EPB41L5: variants seen among roughly 807,000 people sequenced by gnomAD.
The protein encoded by EPB41L5 is erythrocyte membrane protein band 4.1 like 5.
A neutral mutation model predicts 106.6 loss-of-function variants in EPB41L5; 55 were observed. The ratio of observed to expected loss-of-function variants is 0.52; its 90% CI spans 0.42 to 0.65. The LOEUF is 0.65. Ranked by LOEUF, EPB41L5 falls within the 30% of genes least tolerant of loss-of-function variation. The pLI is 0.00. For synonymous variants in EPB41L5, 297 were observed against 306.7 expected (o/e 0.97, Z 0.33); for missense variants, 871 against 882.1 (o/e 0.99, Z 0.16).
At chr2:120,051,391 G>A (rs181597629) in intron 3 of EPB41L5, among the ~76,000 whole-genome samples, 2 of 152,316 alleles carry the variant, frequency 1.3e-5, no homozygotes, top group African/African-American at 2.4e-5. Flanking sequence ...CCACCTTGCA[G>A]TTTGATCTCA....
At chr2:120,051,888 G>A (rs537954635) in intron 3 of EPB41L5, among the ~76,000 whole-genome samples, 4 of 152,162 alleles carry the variant, frequency 2.6e-5, no homozygotes, top group South Asian at 4.1e-4. Flanking sequence ...GTGCAGTGAC[G>A]TGGTCTTGGC....
At chr2:120,098,190 T>G (rs867994780) in intron 14 of EPB41L5, among the ~76,000 whole-genome samples, 9 of 7,226 alleles carry the variant, frequency 1.2e-3, no homozygotes, top group East Asian at 8.5e-3. Flanking sequence ...GTGTGTGTGT[T>G]TTGGTGGGGT....
chr2:120,050,216 G>A (rs1453667113), intron 3 of EPB41L5, among the ~76,000 whole-genome samples: 1 of 152,120 alleles, frequency 6.6e-6, no homozygotes, highest in African/African-American at 2.4e-5. Context: ...GGCCTGCCTC[G>A]CTAGGTTGGG....
intron 20 of EPB41L5, among the ~76,000 whole-genome samples, chr2:120,149,488 A>G (rs780892043): frequency 7.2e-5 from 11 of 152,078 alleles, no homozygotes; most frequent in Non-Finnish European, 1.3e-4. Flanking sequence ...CTGTAATATG[A>G]GGTCTTTTGT....
At chr2:120,157,926 GA>G (rs1686970521) in intron 20 of EPB41L5, among the ~76,000 whole-genome samples, 1 of 152,006 alleles carries the variant, frequency 6.6e-6, no homozygotes, top group Non-Finnish European at 1.5e-5. Flanking sequence ...TATTACCACT[GA>G]CCCCATAGAA....
At chr2:120,090,784 A>G (rs896498521) in intron 12 of EPB41L5, among the ~76,000 whole-genome samples, 10 of 152,302 alleles carry the variant, frequency 6.6e-5, no homozygotes, top group Non-Finnish European at 1.0e-4. Context: ...CAGTTTATCT[A>G]TTTAACAAGA....
At chr2:120,060,779 T>C (rs769018961) in intron 3 of EPB41L5, among the ~76,000 whole-genome samples, 1 of 152,194 alleles carries the variant, frequency 6.6e-6, no homozygotes, top group Non-Finnish European at 1.5e-5. Flanking sequence ...CTGATTCTAA[T>C]ATTGTACTGT....
intron 24 of EPB41L5, among the ~76,000 whole-genome samples, chr2:120,170,934 G>A (rs894124821): frequency 6.6e-6 from 1 of 152,208 alleles, no homozygotes; most frequent in South Asian, 2.1e-4. Context: ...GATTACAGAG[G>A]TGTATTCAAT....
chr2:120,081,165 A>G (rs1345261213), intron 10 of EPB41L5, among the ~76,000 whole-genome samples: 2 of 152,114 alleles, frequency 1.3e-5, no homozygotes, highest in Admixed American at 1.3e-4. Context: ...TTGGTGTTTT[A>G]GACATGAAGT....
In EPB41L5 at chr2:120,019,374, T is replaced by C. The variant is rs1209856634; in HGVS notation, c.180+110T>C. 19 of 984,608 alleles carry C rather than the reference T, an allele frequency of 1.9e-5. No individual in the cohort carries two copies. In the East Asian group the frequency reaches 2.8e-4, roughly 14 times the overall value. The allele number at this position is 984,608 out of a possible 1,614,324, so 61.0% of individuals were successfully genotyped here. A position where few individuals can be genotyped will look rare whatever the true frequency, so the allele number is the denominator to read the frequency against. Reference sequence around the variant, plus strand: ...TGGATGGAAATAAGTAAAGGTATTATGGGTTAGTATAGATCAGGCACTGTA... The same window carrying C: ...TGGATGGAAATAAGTAAAGGTATTACGGGTTAGTATAGATCAGGCACTGTA... On this transcript the variant is annotated intron_variant, in intron 2 of 24. Coordinates refer to ENST00000263713, the MANE Select transcript of EPB41L5 (RefSeq NM_020909.4).
At chr2:120,080,354 G>A (rs532612151) in intron 10 of EPB41L5, among the ~76,000 whole-genome samples, 200 of 151,920 alleles carry the variant, frequency 1.3e-3, no homozygotes, top group Admixed American at 3.0e-3. Context: ...GAGAACATGC[G>A]GTGTTTGGTT....
intron 19 of EPB41L5, among the ~76,000 whole-genome samples, chr2:120,143,449 C>T (rs1007334892): frequency 2.0e-5 from 3 of 152,010 alleles, no homozygotes; most frequent in Non-Finnish European, 4.4e-5. Flanking sequence ...CTCAATTTGG[C>T]GATATGTTTA....
chr2:120,054,971 A>T (rs1350703761), intron 3 of EPB41L5, among the ~76,000 whole-genome samples: 1 of 147,988 alleles, frequency 6.8e-6, no homozygotes, highest in Non-Finnish European at 1.5e-5. Context: ...GGTCCAAGTG[A>T]TTCTCCTGCC....
At chr2:120,063,360 A>G (rs1315557527) in intron 3 of EPB41L5, among the ~76,000 whole-genome samples, 1 of 150,910 alleles carries the variant, frequency 6.6e-6, no homozygotes. Context: ...AAAAAAAAAA[A>G]GTGAATTAAG....
chr2:120,068,942 A>G (rs975914496), intron 3 of EPB41L5, among the ~76,000 whole-genome samples: 19 of 151,952 alleles, frequency 1.3e-4, no homozygotes, highest in African/African-American at 4.6e-4. Flanking sequence ...AGCCTGACCA[A>G]CATGGAGTAA....
chr2:120,159,894 G>A (rs1687071536), intron 20 of EPB41L5, among the ~76,000 whole-genome samples: 1 of 152,164 alleles, frequency 6.6e-6, no homozygotes, highest in Non-Finnish European at 1.5e-5. Flanking sequence ...CCATAAAAAA[G>A]AATGAAATAG....
At position 120,154,384 on chromosome 2, in the gene EPB41L5, C is replaced by T. The variant is rs983422050; in HGVS notation, c.1794-6497C>T. ...TTCTCCATGTTGGTCAGGCTGGTCT[C>T]GAACTCCCGACCTCAGGTAATCTGC... On this transcript the variant is annotated intron_variant, in intron 20 of 24. Coordinates refer to ENST00000263713, the MANE Select transcript of EPB41L5 (RefSeq NM_020909.4). Among the ~76,000 whole-genome samples the T allele has an allele frequency of 8.6e-5, 13 of 151,260 alleles. No homozygotes were observed. The East Asian group carries it at 1.8e-3, about 21-fold the overall frequency.
chr2:120,090,442 C>T lies in EPB41L5; in HGVS notation c.969C>T (p.Phe323=), dbSNP rs778699073. 1.9e-6 allele frequency: 3 copies of T among 1,613,824 alleles called. No individual in the cohort carries two copies. Among genetic ancestry groups the T allele is most frequent in the Non-Finnish European group, 2.5e-6 (3 of 1,179,832 alleles). Residue 323 remains phenylalanine, a synonymous_variant, in exon 12 of 25, where the codon TTC becomes TTT. Coordinates refer to ENST00000263713, the MANE Select transcript of EPB41L5 (RefSeq NM_020909.4). ...GTGCTGTGGAGCATCATGCTTTCTT[C>T]CGCCTTCGAGGCCCCGTCCAAAAGA... ...WKCAVEHHAF[F]RLRGPVQKSS...
intron 5 of EPB41L5, 93 bp downstream of exon 5, chr2:120,074,271 A>C: frequency 1.1e-6 from 1 of 925,182 alleles, no homozygotes. Context: ...AGCTAATAAA[A>C]TGGATTCCTG....
Sources: gnomAD v4.1 joint callset for allele counts (sites outside exome capture counted in the v4.1 genomes callset) on GRCh38, gnomAD v4.1.1 for gene constraint, MANE v1.5 for transcripts, NCBI Gene and HGNC (gene_info 2026-07-23, HGNC 2026-07-21) for gene names.